FGFR2: variants seen among roughly 807,000 people sequenced by gnomAD.
The protein encoded by FGFR2 is fibroblast growth factor receptor 2.
Under a neutral mutation model 95.9 loss-of-function variants are expected in FGFR2, and 19 were observed. The observed-to-expected ratio is 0.20, with a 90% CI of 0.14 to 0.29. The LOEUF (loss-of-function observed/expected upper bound fraction) is 0.29. FGFR2 is among the 10% of genes least tolerant of loss of function. The pLI is 1.00. For missense variants in FGFR2, 707 were observed against 1,056.9 expected, an observed-to-expected ratio of 0.67 and a Z score of 4.59; for synonymous variants, 392 against 393.3, an observed-to-expected ratio of 1.00 and a Z score of 0.04.
intron 3 of FGFR2, 120 bp from the exon 4 acceptor site, chr10:121,564,699 C>T: frequency 1.2e-6 from 1 of 843,350 alleles, no homozygotes; most frequent in Non-Finnish European, 2.0e-6. Flanking sequence ...TCGCAAAGAG[C>T]CTGGGATTGT....
At position 121,564,073 on chromosome 10, in the gene FGFR2, C is replaced by T. The variant is rs532816720; in HGVS notation, c.454+429G>A. Among the ~76,000 whole-genome samples the T allele has an allele frequency of 2.0e-5, 3 of 152,334 alleles. No individual in the cohort carries two copies. The East Asian group carries it at 5.8e-4, about 29-fold the overall frequency. ...CCAGCACCCCCTCCCTCTGTTGTGA[C>T]AACCAAATATTGCCCAATGTGCCGG... On this transcript the variant is annotated intron_variant, in intron 4 of 17. Transcript: ENST00000358487.
intron 2 of FGFR2, among the ~76,000 whole-genome samples, chr10:121,572,222 G>T (rs1008024858): frequency 6.6e-6 from 1 of 151,660 alleles, no homozygotes; most frequent in Non-Finnish European, 1.5e-5. Flanking sequence ...TACACAGGGG[G>T]CTGAGGTAGG....
chr10:121,595,935 G>C (rs1354454877), intron 1 of FGFR2, among the ~76,000 whole-genome samples: 2 of 152,326 alleles, frequency 1.3e-5, no homozygotes, highest in African/African-American at 4.8e-5. Context: ...CAAAACTCTG[G>C]AAGGCGGAGA....
chr10:121,593,302 C>A (rs754009185), intron 2 of FGFR2, among the ~76,000 whole-genome samples: 33 of 152,162 alleles, frequency 2.2e-4, no homozygotes, highest in Non-Finnish European at 3.5e-4. Flanking sequence ...CAGATGTTGG[C>A]AATTTCTTTT....
chr10:121,503,996 G>A (rs1394737691), intron 9 of FGFR2, 55 bp from the exon 10 acceptor site: 43 of 1,605,684 alleles, frequency 2.7e-5, no homozygotes, highest in Non-Finnish European at 1.8e-5. Context: ...TGAGAAGGCT[G>A]GAAGTCAGCC....
chr10:121,588,261 G>A (rs1167932671), intron 2 of FGFR2, among the ~76,000 whole-genome samples: 1 of 152,070 alleles, frequency 6.6e-6, no homozygotes, highest in Non-Finnish European at 1.5e-5. Context: ...GTGGGTGGGA[G>A]GAGAGAGAGG....
chr10:121,479,694 A>G lies in FGFR2; in HGVS notation c.*163T>C, dbSNP rs1844424557. 1 of 1,573,592 alleles carries G rather than the reference A, an allele frequency of 6.4e-7. No homozygotes were observed. The highest frequency in any genetic ancestry group is 1.4e-5 in the African/African-American group (1 of 74,052). ...TCCTGGGGAAGATTACAAGTTTTCAACTGTATAAATCTTTACACATATGCT... is the reference window on the plus strand; with the variant it reads ...TCCTGGGGAAGATTACAAGTTTTCAGCTGTATAAATCTTTACACATATGCT... On this transcript the variant is annotated 3_prime_UTR_variant, in exon 18 of 18. Coordinates refer to ENST00000358487, the MANE Select transcript of FGFR2 (RefSeq NM_000141.5).
chr10:121,513,165 C>T (rs1266241979), intron 9 of FGFR2, among the ~76,000 whole-genome samples: 2 of 152,188 alleles, frequency 1.3e-5, no homozygotes, highest in Non-Finnish European at 2.9e-5. Flanking sequence ...TGAGCCACCA[C>T]GCCCGGCCAG....
chr10:121,590,479 CTA>C (rs1313518235), intron 2 of FGFR2, among the ~76,000 whole-genome samples: 4 of 152,114 alleles, frequency 2.6e-5, no homozygotes, highest in Non-Finnish European at 5.9e-5. Context: ...TGCTGGTGCC[CTA>C]TAACAATGAA....
intron 13 of FGFR2, among the ~76,000 whole-genome samples, chr10:121,490,834 A>G (rs1239665397): frequency 6.6e-6 from 1 of 152,130 alleles, no homozygotes; most frequent in African/African-American, 2.4e-5. Flanking sequence ...TTGTGTTCAC[A>G]CACTTCTGGG....
At chr10:121,546,378 CA>C (rs745811669) in intron 5 of FGFR2, among the ~76,000 whole-genome samples, 6 of 152,044 alleles carry the variant, frequency 3.9e-5, no homozygotes, top group Non-Finnish European at 7.4e-5. Context: ...AAGACTGACG[CA>C]AAAGCCCAGG....
chr10:121,552,332 G>T (rs560579631), intron 4 of FGFR2, among the ~76,000 whole-genome samples: 1 of 152,212 alleles, frequency 6.6e-6, no homozygotes, highest in African/African-American at 2.4e-5. Flanking sequence ...TAATAATGGC[G>T]AATGACTACT....
At chr10:121,591,693 T>C (rs576017403) in intron 2 of FGFR2, among the ~76,000 whole-genome samples, 2 of 152,262 alleles carry the variant, frequency 1.3e-5, no homozygotes, top group South Asian at 4.1e-4. Context: ...TAATTCTGGA[T>C]GCAAATGAAC....
intron 9 of FGFR2, among the ~76,000 whole-genome samples, chr10:121,509,167 T>A (rs1848692521): frequency 6.6e-6 from 1 of 152,244 alleles, no homozygotes; most frequent in African/African-American, 2.4e-5. Context: ...GTTTCATTCC[T>A]AACCAATTTT....
chr10:121,517,561 G>T lies in FGFR2; in HGVS notation c.940-98C>A. ...AAGGCGTCGCACCGGGGGCTTCAGG[G>T]GGTGCTGGCCACTGGGAGATTCCGA... On this transcript the variant is annotated intron_variant, in intron 7 of 17. Coordinates refer to ENST00000358487, the MANE Select transcript of FGFR2 (RefSeq NM_000141.5). This position sits in a 1 kb window ranked among gnomAD's most constrained non-coding sequence, Gnocchi z 4.7. 1 of 1,441,016 alleles carries T rather than the reference G, an allele frequency of 6.9e-7. No individual in the cohort carries two copies. The highest frequency in any genetic ancestry group is 1.4e-5 in the African/African-American group (1 of 71,646). The allele number at this position is 1,441,016 out of a possible 1,614,324, so 89.3% of individuals were successfully genotyped here. A position where few individuals can be genotyped will look rare whatever the true frequency, so the allele number is the denominator to read the frequency against.
At chr10:121,525,740 G>A (rs1027968394) in intron 6 of FGFR2, among the ~76,000 whole-genome samples, 5 of 151,724 alleles carry the variant, frequency 3.3e-5, no homozygotes, top group Non-Finnish European at 5.9e-5. Flanking sequence ...ATAGTAATAT[G>A]TTTGCTCATA....
chr10:121,594,071 A>G (rs1168619174), intron 1 of FGFR2, 104 bp from the exon 2 acceptor site: 2 of 584,520 alleles, frequency 3.4e-6, no homozygotes, highest in African/African-American at 3.7e-5. Context: ...GTGCGCAAAC[A>G]GAGTTCTTTT....
At chr10:121,577,425 G>C (rs540527595) in intron 2 of FGFR2, among the ~76,000 whole-genome samples, 385 of 152,100 alleles carry the variant, frequency 2.5e-3, no homozygotes, top group Admixed American at 6.0e-3. Flanking sequence ...GCCTAGCCAG[G>C]TCTTCTCAGT....
chr10:121,496,817 T>A lies in FGFR2; in HGVS notation c.1673-95A>T, dbSNP rs544438411. The A allele has an allele frequency of 4.2e-6, 3 of 711,310 alleles. No homozygotes were observed. The East Asian group carries it at 1.1e-4, about 27-fold the overall frequency. The allele number at this position is 711,310 out of a possible 1,614,324, so 44.1% of individuals were successfully genotyped here. A position where few individuals can be genotyped will look rare whatever the true frequency, so the allele number is the denominator to read the frequency against. ...ATTTTTAGTTATTACAACCCATGCT[T>A]TTTTTTTTTTTTTTAAAGTTTAACA... On this transcript the variant is annotated intron_variant, in intron 12 of 17. Coordinates refer to ENST00000358487, the MANE Select transcript of FGFR2 (RefSeq NM_000141.5).
Sources: allele counts gnomAD v4.1 joint callset (sites outside exome capture counted in the v4.1 genomes callset), GRCh38; gene constraint gnomAD v4.1.1; non-coding constraint Gnocchi (gnomAD v3.1); transcripts MANE v1.5; gene names NCBI Gene and HGNC (gene_info 2026-07-23, HGNC 2026-07-21).